The following RUNDC3B variants were observed in gnomAD, a reference collection of about 807,000 sequenced individuals.
The protein encoded by RUNDC3B is RUN domain containing 3B, also known as RUN domain-containing protein 3B.
RUNDC3B carries 33 observed loss-of-function variants against 58.4 expected under a neutral mutation model. That is an observed-to-expected ratio of 0.56 (90% CI 0.43 to 0.75). The LOEUF is 0.75. Among genes scored for constraint, RUNDC3B ranks in the 30% least tolerant of loss-of-function variants. RUNDC3B has a pLI of 0.00. For synonymous variants in RUNDC3B, 193 were observed against 195.2 expected (o/e 0.99, Z 0.10); for missense variants, 501 against 535.7 (o/e 0.94, Z 0.64).
At chr7:87,809,090 A>G (rs1487402834) in intron 9 of RUNDC3B, among the ~76,000 whole-genome samples, 1 of 152,270 alleles carries the variant, frequency 6.6e-6, no homozygotes, top group East Asian at 1.9e-4. Flanking sequence ...TTTATTTTTA[A>G]TTTACTTCTG....
intron 2 of RUNDC3B, among the ~76,000 whole-genome samples, chr7:87,690,704 C>T (rs904892688): frequency 2.6e-5 from 4 of 152,046 alleles, no homozygotes; most frequent in African/African-American, 7.2e-5. Flanking sequence ...ATAAGCAACT[C>T]GCCTTAACAG....
In RUNDC3B at chr7:87,700,568, C is replaced by A; in HGVS notation, c.372+14C>A. 6.3e-7 allele frequency: 1 copy of A among 1,594,330 alleles called. No individual in the cohort carries two copies. Among genetic ancestry groups the A allele is most frequent in the South Asian group, 1.2e-5 (1 of 85,412 alleles). ...TCTAGAGCTAAGGTAAGACATTGGT[C>A]AGAGACTCGTTTCTATTTTTTTTTT... On this transcript the variant is annotated intron_variant, in intron 3 of 10. Coordinates refer to ENST00000394654, the MANE Select transcript of RUNDC3B (RefSeq NM_001134405.2).
chr7:87,715,311 T>C (rs932423134), intron 4 of RUNDC3B, among the ~76,000 whole-genome samples: 3 of 131,768 alleles, frequency 2.3e-5, no homozygotes, highest in Non-Finnish European at 4.7e-5. Flanking sequence ...TTATATATAA[T>C]TAATTTATAA....
intron 4 of RUNDC3B, among the ~76,000 whole-genome samples, chr7:87,715,332 T>A (rs1352449857): frequency 8.5e-6 from 1 of 117,362 alleles, no homozygotes; most frequent in South Asian, 2.3e-4. Flanking sequence ...TAATTATATA[T>A]AATTAATTTA....
chr7:87,686,551 T>A (rs1425782769), intron 2 of RUNDC3B, among the ~76,000 whole-genome samples: 1 of 152,086 alleles, frequency 6.6e-6, no homozygotes, highest in Non-Finnish European at 1.5e-5. Flanking sequence ...AGCAGTAAAG[T>A]CATCAGAGAC....
At chr7:87,662,729 T>C (rs143290724) in intron 2 of RUNDC3B, among the ~76,000 whole-genome samples, 2,206 of 152,242 alleles carry the variant, frequency 0.014, 28 homozygotes, top group Non-Finnish European at 0.022. Context: ...TAGCTTTGTC[T>C]ATTCTGGGTC....
At chr7:87,644,068 A>G (rs1822732587) in intron 1 of RUNDC3B, among the ~76,000 whole-genome samples, 1 of 152,134 alleles carries the variant, frequency 6.6e-6, no homozygotes, top group Non-Finnish European at 1.5e-5. Context: ...CATGTTGGCC[A>G]GGCTGGTCTC....
intron 1 of RUNDC3B, among the ~76,000 whole-genome samples, chr7:87,629,605 T>C (rs1485167156): frequency 1.3e-5 from 2 of 152,126 alleles, no homozygotes; most frequent in Non-Finnish European, 2.9e-5. Context: ...TAGTATTTCC[T>C]TCAGAAAAAT....
chr7:87,705,924 T>C (rs992418406), intron 3 of RUNDC3B, among the ~76,000 whole-genome samples: 1 of 152,216 alleles, frequency 6.6e-6, no homozygotes, highest in African/African-American at 2.4e-5. Flanking sequence ...TCCTTCTTGC[T>C]TTTTCATTTT....
chr7:87,776,799 A>G (rs1834661763), intron 7 of RUNDC3B, among the ~76,000 whole-genome samples: 1 of 152,070 alleles, frequency 6.6e-6, no homozygotes, highest in Non-Finnish European at 1.5e-5. Context: ...GAAGAATAGT[A>G]TTACCTACTC....
At chr7:87,796,052 C>A (rs1835801159) in intron 8 of RUNDC3B, among the ~76,000 whole-genome samples, 2 of 152,110 alleles carry the variant, frequency 1.3e-5, no homozygotes, top group African/African-American at 2.4e-5. Context: ...TTGGAAGCAA[C>A]CTAAGTGCCC....
intron 1 of RUNDC3B, among the ~76,000 whole-genome samples, chr7:87,631,535 C>T (rs2130192700): frequency 6.6e-6 from 1 of 152,242 alleles, no homozygotes; most frequent in East Asian, 1.9e-4. Context: ...GGACTACAGG[C>T]GCCCGCCACC....
At chr7:87,733,132 G>A (rs904831290) in intron 4 of RUNDC3B, among the ~76,000 whole-genome samples, 6 of 151,860 alleles carry the variant, frequency 4.0e-5, no homozygotes, top group African/African-American at 4.8e-5. Context: ...ATGGACAGGC[G>A]CCCCCCCATG....
At chr7:87,634,522 G>A (rs1025055176) in intron 1 of RUNDC3B, among the ~76,000 whole-genome samples, 6 of 151,340 alleles carry the variant, frequency 4.0e-5, no homozygotes, top group South Asian at 2.1e-4. Context: ...TAATTCCAGC[G>A]GGAGGCTGAG....
At chr7:87,650,346 C>T (rs746026139) in intron 1 of RUNDC3B, among the ~76,000 whole-genome samples, 1 of 152,016 alleles carries the variant, frequency 6.6e-6, no homozygotes, top group Non-Finnish European at 1.5e-5. Context: ...CACAGTTCTG[C>T]AGGCTGGGAA....
At chr7:87,797,746 T>G (rs1835892634) in intron 8 of RUNDC3B, among the ~76,000 whole-genome samples, 1 of 152,236 alleles carries the variant, frequency 6.6e-6, no homozygotes, top group Admixed American at 6.5e-5. Flanking sequence ...AAGACACTGA[T>G]GTCCTACCTC....
At chr7:87,828,478 G>A (rs142736414) in intron 10 of RUNDC3B, among the ~76,000 whole-genome samples, 62 of 152,158 alleles carry the variant, frequency 4.1e-4, no homozygotes, top group Middle Eastern at 3.4e-3. Flanking sequence ...GTGGTATTTG[G>A]TTTTCTATTC....
chr7:87,723,517 A>AAATGATG (rs1831028742), intron 4 of RUNDC3B, among the ~76,000 whole-genome samples: 1 of 152,216 alleles, frequency 6.6e-6, no homozygotes, highest in South Asian at 2.1e-4. Context: ...CACAGCCTAC[A>AAATGATG]GAAAAATACC....
intron 8 of RUNDC3B, among the ~76,000 whole-genome samples, chr7:87,789,220 A>G (rs991599109): frequency 1.3e-5 from 2 of 152,182 alleles, no homozygotes; most frequent in African/African-American, 4.8e-5. Context: ...TTGTTTTCCT[A>G]GTTAGCTGAT....
Sources: allele counts gnomAD v4.1 joint callset (sites outside exome capture counted in the v4.1 genomes callset), GRCh38; gene constraint gnomAD v4.1.1; transcripts MANE v1.5; gene names NCBI Gene and HGNC (gene_info 2026-07-23, HGNC 2026-07-21).